The following TMC3 variants were observed in gnomAD, a reference collection of about 807,000 sequenced individuals.
The protein encoded by TMC3 is transmembrane channel-like protein 3.
A neutral mutation model predicts 110.6 loss-of-function variants in TMC3; 98 were observed. The ratio of observed to expected loss-of-function variants is 0.89; its 90% confidence interval spans 0.75 to 1.05. The LOEUF (loss-of-function observed/expected upper bound fraction) is 1.05, where lower values mean the gene tolerates loss of function less well. Ranked by LOEUF, TMC3 falls within the 50% of genes least tolerant of loss-of-function variation. The probability of loss-of-function intolerance (pLI) is 0.00; values close to 1 mark genes in which losing one functional copy is unlikely to be tolerated. For missense variants in TMC3, 1,319 were observed against 1,373.2 expected (o/e 0.96, Z 0.62); for synonymous variants, 489 against 513.1 (o/e 0.95, Z 0.63).
intron 11 of TMC3, among the ~76,000 whole-genome samples, chr15:81,347,807 AC>A (rs202189925): frequency 4.2e-3 from 634 of 152,364 alleles, no homozygotes; most frequent in African/African-American, 0.01. Context: ...AATTGATTCC[AC>A]CCAATACTTG....
intron 9 of TMC3, among the ~76,000 whole-genome samples, chr15:81,353,260 A>G (rs1266913261): frequency 6.6e-6 from 1 of 151,830 alleles, no homozygotes; most frequent in African/African-American, 2.4e-5. Context: ...AGAGTCAAAC[A>G]GTTTTTTAAA....
intron 10 of TMC3, among the ~76,000 whole-genome samples, chr15:81,350,084 CAA>C (rs57328398): frequency 9.3e-5 from 13 of 139,102 alleles, no homozygotes; most frequent in South Asian, 4.6e-4. Context: ...CCATCTCTAC[CAA>C]AAAAAAAAAA....
At chr15:81,354,165 G>A (rs888258452) in intron 9 of TMC3, among the ~76,000 whole-genome samples, 1 of 152,182 alleles carries the variant, frequency 6.6e-6, no homozygotes, top group African/African-American at 2.4e-5. Context: ...ACCTTCTTCT[G>A]CCAACTTTGG....
intron 1 of TMC3, 141 bp downstream of exon 1, chr15:81,373,847 CA>C: frequency 1.3e-6 from 1 of 746,536 alleles, no homozygotes; most frequent in Non-Finnish European, 2.2e-6. Flanking sequence ...AGTTGTACCA[CA>C]ACCTGGAGAA....
At chr15:81,333,361 T>C in intron 21 of TMC3, 99 bp from the exon 22 acceptor site, 2 of 1,485,042 alleles carry the variant, frequency 1.3e-6, no homozygotes, top group Non-Finnish European at 9.0e-7. Context: ...GCATTTTCAC[T>C]GAGGCTGGTT....
intron 9 of TMC3, among the ~76,000 whole-genome samples, chr15:81,353,204 CTG>C (rs71451579): frequency 0.49 from 74,229 of 151,894 alleles, 20,082 homozygotes; most frequent in Non-Finnish European, 0.62. Flanking sequence ...TAAAGAAAAA[CTG>C]TTTTTGTACA....
intron 2 of TMC3, among the ~76,000 whole-genome samples, chr15:81,370,124 T>G (rs77142186): frequency 0.015 from 2,356 of 152,166 alleles, 86 homozygotes; most frequent in African/African-American, 0.054. Context: ...CTATGCTGAT[T>G]TCATAGGAAC....
chr15:81,359,376 CAATA>C lies in TMC3; in HGVS notation c.486_489del (p.Phe162LeufsTer6), dbSNP rs1567067989. 6.2e-7 allele frequency: 1 copy of C among 1,601,256 alleles called. No individual in the cohort carries two copies. The highest frequency in any genetic ancestry group is 8.5e-7 in the Non-Finnish European group (1 of 1,174,816). ...CTGAAACATCTTACCTCTGGAATGA[CAATA>C]AAAGCACCTGTCATAATGGTGAGCA... On this transcript the variant is annotated frameshift_variant, in exon 5 of 22. Coordinates refer to ENST00000359440, the MANE Select transcript of TMC3 (RefSeq NM_001080532.3). LOFTEE classifies it high-confidence loss of function.
At chr15:81,334,356 G>A (rs1893543206) in intron 21 of TMC3, among the ~76,000 whole-genome samples, 1 of 152,110 alleles carries the variant, frequency 6.6e-6, no homozygotes, top group East Asian at 1.9e-4. Flanking sequence ...ATGCATAAAT[G>A]GTCTTGCCAA....
At position 81,359,658 on chromosome 15, in the gene TMC3, A is replaced by G. The variant is rs74763285; in HGVS notation, c.395-187T>C. Among the ~76,000 whole-genome samples the G allele has an allele frequency of 9.9e-3, 1,504 of 152,126 alleles. 22 individuals carry two copies. Among genetic ancestry groups the G allele is most frequent in the African/African-American group, 0.035 (1,444 of 41,396 alleles). ...CAGATCAAGATGCCCCTGAATATCT[A>G]TCAGTTCTATAGGCAGGAAAAGTCT... On this transcript the variant is annotated intron_variant, in intron 4 of 21. Coordinates refer to ENST00000359440, the MANE Select transcript of TMC3 (RefSeq NM_001080532.3).
In TMC3 at chr15:81,337,897, G is replaced by C; in HGVS notation, c.2109C>G (p.Ile703Met). ...GGTTGCTGAGCTTTAGAGACCGTGC[G>C]ATGCTCTGGAGATAATAGATGAGCA... ...LFMLIYYLQS[I>M]ARSLKLSNHQ... The change falls in exon 19 of 22, where the codon ATC becomes ATG. Residue 703 changes from isoleucine (I) to methionine (M), a missense_variant. Ile to Met is a conservative substitution (Grantham distance 10). Coordinates refer to ENST00000359440, the MANE Select transcript of TMC3 (RefSeq NM_001080532.3). 2 of 1,613,944 alleles carry C rather than the reference G, an allele frequency of 1.2e-6. No individual in the cohort carries two copies. Among genetic ancestry groups the C allele is most frequent in the Non-Finnish European group, 1.7e-6 (2 of 1,179,834 alleles).
chr15:81,338,092 G>A (rs1475806228), intron 18 of TMC3, among the ~76,000 whole-genome samples, 168 bp from the exon 19 acceptor site: 1 of 152,136 alleles, frequency 6.6e-6, no homozygotes. Context: ...TCTCAAGCCA[G>A]TGAGCACTGG....
chr15:81,371,956 G>A (rs998728144), intron 2 of TMC3, among the ~76,000 whole-genome samples: 12 of 152,094 alleles, frequency 7.9e-5, no homozygotes, highest in African/African-American at 2.7e-4. Context: ...CTGGTATTCA[G>A]AGAAATTAAG....
Position 81,368,252 on chromosome 15 carries a change from C to A in TMC3, c.312+1G>T. 1 of 1,613,018 alleles carries A rather than the reference C, an allele frequency of 6.2e-7. No individual in the cohort carries two copies. ...CCAGCCACATGTGTGTTCTGTATTA[C>A]CTCTGCACCTGCTGCTTGGTAGCCT... On this transcript the variant is annotated splice_donor_variant, in intron 3 of 21. Coordinates refer to ENST00000359440, the MANE Select transcript of TMC3 (RefSeq NM_001080532.3). LOFTEE classifies it high-confidence loss of function.
Position 81,332,740 on chromosome 15 carries a change from C to T in TMC3, c.2982G>A (p.Lys994=), listed in dbSNP as rs758398665. The change falls in exon 22 of 22, where the codon AAG becomes AAA. Residue 994 remains lysine (K), a synonymous_variant. Coordinates refer to ENST00000359440, the MANE Select transcript of TMC3 (RefSeq NM_001080532.3). The stretch of plus-strand genomic sequence containing the variant: ...GACCCTCAAAATCTTCATTCCACGA[C>T]TTGTAGTGCACCCTCCCCTGGTGCT... ...DPEHQGRVHY[K]SWNEDFEGHL... The T allele has an allele frequency of 2.5e-6, 4 of 1,613,622 alleles. No individual in the cohort carries two copies. The Admixed American group carries it at 6.7e-5, about 27-fold the overall frequency.
Position 81,349,495 on chromosome 15 carries a change from A to G in TMC3, c.1156T>C (p.Tyr386His). Residue 386 changes from tyrosine to histidine, a missense_variant, in exon 11 of 22, where the codon TAC becomes CAC. Tyr to His is a moderately conservative substitution (Grantham distance 83). Transcript: ENST00000359440. ...AFDLIAALEM[Y>H]HPRTTLRFQL... ...AAGCGCAGCGTGGTCCTGGGGTGGT[A>G]CATCTCTAAGGCAGCAATGAGGTCA... 6.4e-7 allele frequency: 1 copy of G among 1,557,086 alleles called. No individual in the cohort carries two copies. The highest frequency in any genetic ancestry group is 8.7e-7 in the Non-Finnish European group (1 of 1,150,538).
intron 11 of TMC3, among the ~76,000 whole-genome samples, chr15:81,348,173 A>C (rs2141704271): frequency 6.6e-6 from 1 of 152,360 alleles, no homozygotes; most frequent in Admixed American, 6.5e-5. Flanking sequence ...ACAAAACCAC[A>C]AGTATTTACT....
chr15:81,358,188 A>G lies in TMC3; in HGVS notation c.704T>C (p.Met235Thr). 1 of 1,610,962 alleles carries G rather than the reference A, an allele frequency of 6.2e-7. No individual in the cohort carries two copies. Among genetic ancestry groups the G allele is most frequent in the Non-Finnish European group, 8.5e-7 (1 of 1,178,938 alleles). The change falls in exon 7 of 22, where the codon ATG becomes ACG. Residue 235 changes from methionine (M) to threonine (T), a missense_variant. By Grantham distance (81) the Met-to-Thr change is moderately conservative. Transcript: ENST00000359440. ...GATGAAGCTGTAAGCAAACACTGCC[A>G]TCCCCACTAGGAAATACGCCAAGGG... ...RLPLAYFLVGMAVFAYSFIIL... is the reference protein window; with the variant it reads ...RLPLAYFLVGTAVFAYSFIIL...
chr15:81,341,422 A>AT lies in TMC3; in HGVS notation c.1811dup (p.Asn604LysfsTer56). On this transcript the variant is annotated frameshift_variant, in exon 16 of 22. Coordinates refer to ENST00000359440, the MANE Select transcript of TMC3 (RefSeq NM_001080532.3). LOFTEE classifies it high-confidence loss of function. ...CTCGAAATACTTGCTGGTGGGGCACATTGCAGGTCAGCACAGCCCAGCTTC... is the reference window on the plus strand; with the variant it reads ...CTCGAAATACTTGCTGGTGGGGCACATTTGCAGGTCAGCACAGCCCAGCTTC... The AT allele has an allele frequency of 6.2e-7, 1 of 1,612,016 alleles. No homozygotes were observed. Among genetic ancestry groups the AT allele is most frequent in the Non-Finnish European group, 8.5e-7 (1 of 1,179,016 alleles).
Sources: gnomAD v4.1 joint callset for allele counts (sites outside exome capture counted in the v4.1 genomes callset) on GRCh38, gnomAD v4.1.1 for gene constraint, MANE v1.5 for transcripts, NCBI Gene and HGNC (gene_info 2026-07-23, HGNC 2026-07-21) for gene names.